Variants in PDE3B observed in about 807,000 individuals in gnomAD.
PDE3B encodes cGMP-inhibited 3',5'-cyclic phosphodiesterase 3B.
A neutral mutation model predicts 116.8 loss-of-function variants in PDE3B; 66 were observed. That is an observed-to-expected ratio of 0.56 (90% CI 0.46 to 0.69). The LOEUF (loss-of-function observed/expected upper bound fraction) is 0.69, where lower values mean the gene tolerates loss of function less well. PDE3B is among the 30% of genes least tolerant of loss of function. PDE3B has a pLI of 0.00. For missense variants in PDE3B, 1,384 were observed against 1,368.1 expected (o/e 1.01, Z -0.18); for synonymous variants, 595 against 533.6 (o/e 1.12, Z -1.59).
At chr11:14,753,817 A>G (rs564833275) in intron 1 of PDE3B, among the ~76,000 whole-genome samples, 8 of 152,162 alleles carry the variant, frequency 5.3e-5, no homozygotes, top group Non-Finnish European at 7.4e-5. Flanking sequence ...CACATGCAGG[A>G]GATTTTAAAA....
chr11:14,742,444 A>G (rs1425864894), intron 1 of PDE3B, among the ~76,000 whole-genome samples: 3 of 152,138 alleles, frequency 2.0e-5, no homozygotes, highest in African/African-American at 7.2e-5. Context: ...CAGATCATTT[A>G]TGTTCTTCTC....
chr11:14,885,842 G>A, the PDE3B span: 1 of 1,613,542 alleles, frequency 6.2e-7, no homozygotes, highest in East Asian at 2.2e-5. Context: ...TCGCTTTGAT[G>A]AACAAGGCAT....
intron 1 of PDE3B, among the ~76,000 whole-genome samples, chr11:14,690,842 G>A (rs1402228012): frequency 6.6e-6 from 1 of 152,116 alleles, no homozygotes. Flanking sequence ...AGTGGGAAGT[G>A]GAGGTTGTGT....
At chr11:14,735,732 C>T (rs1042867969) in intron 1 of PDE3B, among the ~76,000 whole-genome samples, 13 of 152,016 alleles carry the variant, frequency 8.6e-5, no homozygotes, top group Admixed American at 3.9e-4. Context: ...TTTTCATCAT[C>T]GAAAAAAGTT....
the PDE3B span, chr11:14,890,292 A>T: frequency 9.7e-6 from 2 of 206,840 alleles, no homozygotes; most frequent in Non-Finnish European, 1.7e-5. Context: ...TTATGCTTTC[A>T]CATTTTATTT....
chr11:14,706,623 G>A (rs1433318411), intron 1 of PDE3B, among the ~76,000 whole-genome samples: 3 of 151,852 alleles, frequency 2.0e-5, no homozygotes, highest in African/African-American at 4.8e-5. Context: ...GTGTTACTAA[G>A]CAATATAATG....
chr11:14,803,937 C>T lies in PDE3B; in HGVS notation c.1416-7C>T. The T allele has an allele frequency of 1.3e-6, 2 of 1,524,250 alleles. No individual in the cohort carries two copies. Among genetic ancestry groups the T allele is most frequent in the South Asian group, 2.3e-5 (2 of 88,152 alleles). The allele number at this position is 1,524,250 out of a possible 1,614,324, so 94.4% of individuals were successfully genotyped here. On this transcript the variant is annotated splice_polypyrimidine_tract_variant and splice_region_variant and intron_variant, in intron 4 of 15. Transcript: ENST00000282096. ...AAAAATTTTAACCTGTTATTTTTCCCTTTTAGTCAAGGATGCTATCTAAAT... is the reference window on the plus strand; with the variant it reads ...AAAAATTTTAACCTGTTATTTTTCCTTTTTAGTCAAGGATGCTATCTAAAT...
chr11:14,650,201 G>GTTTTT (rs59519371), intron 1 of PDE3B, among the ~76,000 whole-genome samples: 2 of 130,894 alleles, frequency 1.5e-5, no homozygotes, highest in Non-Finnish European at 3.3e-5. Flanking sequence ...ATTCAGCAAT[G>GTTTTT]TTTTTTTTTT....
intron 1 of PDE3B, among the ~76,000 whole-genome samples, chr11:14,745,588 A>G (rs1281026263): frequency 1.3e-5 from 2 of 152,192 alleles, no homozygotes; most frequent in Non-Finnish European, 2.9e-5. Flanking sequence ...TTGATGTTAG[A>G]CAGCTACTAG....
At chr11:14,859,489 CTT>C (rs1363293418) in intron 13 of PDE3B, among the ~76,000 whole-genome samples, 1 of 151,998 alleles carries the variant, frequency 6.6e-6, no homozygotes, top group Admixed American at 6.6e-5. Flanking sequence ...ACTATTGTGA[CTT>C]TATTTCACAT....
intron 1 of PDE3B, among the ~76,000 whole-genome samples, chr11:14,756,567 C>G (rs571269349): frequency 6.6e-6 from 1 of 152,088 alleles, no homozygotes; most frequent in Admixed American, 6.6e-5. Context: ...TAGTCCTAAT[C>G]CTGCCAAAAG....
intron 1 of PDE3B, among the ~76,000 whole-genome samples, chr11:14,758,154 T>C (rs2133883705): frequency 6.6e-6 from 1 of 152,332 alleles, no homozygotes; most frequent in East Asian, 1.9e-4. Flanking sequence ...TTCTTTTCCA[T>C]TGATCTATAT....
chr11:14,670,559 C>T (rs1038929979), intron 1 of PDE3B, among the ~76,000 whole-genome samples: 10 of 152,030 alleles, frequency 6.6e-5, no homozygotes, highest in Middle Eastern at 3.4e-3. Flanking sequence ...TATAGAGTTG[C>T]TTGAATTAGA....
At chr11:14,869,132 C>G (rs1389680742) in intron 15 of PDE3B, among the ~76,000 whole-genome samples, 1 of 152,038 alleles carries the variant, frequency 6.6e-6, no homozygotes, top group Non-Finnish European at 1.5e-5. Flanking sequence ...TTTGAAATTT[C>G]AGCACGCTTC....
rs545365883 is a variant in PDE3B, at chr11:14,713,807, G to T, written c.979-58130G>T. Among the ~76,000 whole-genome samples the T allele has an allele frequency of 5.9e-5, 9 of 152,288 alleles. No individual in the cohort carries two copies. In the East Asian group the frequency reaches 1.7e-3, roughly 29 times the overall value. Reference sequence around the variant, plus strand: ...GACTTGGAAAGGCATCACAGAGGAGGTGGAATTTAAGCCAGAGGCTAAACT... The same window carrying T: ...GACTTGGAAAGGCATCACAGAGGAGTTGGAATTTAAGCCAGAGGCTAAACT... On this transcript the variant is annotated intron_variant, in intron 1 of 15. Coordinates refer to ENST00000282096, the MANE Select transcript of PDE3B (RefSeq NM_000922.4).
intron 3 of PDE3B, 75 bp from the exon 4 acceptor site, chr11:14,789,031 A>G: frequency 1.0e-6 from 1 of 995,400 alleles, no homozygotes; most frequent in Non-Finnish European, 1.5e-6. Flanking sequence ...TGATACTTTC[A>G]TGTGCCATCA....
intron 1 of PDE3B, among the ~76,000 whole-genome samples, chr11:14,735,412 T>C (rs1856568740): frequency 6.6e-6 from 1 of 152,132 alleles, no homozygotes; most frequent in African/African-American, 2.4e-5. Context: ...CTGAAGAAAT[T>C]ATAGGAGTTT....
At chr11:14,880,414 C>T in the PDE3B span, 1 of 1,613,212 alleles carries the variant, frequency 6.2e-7, no homozygotes, top group Admixed American at 1.7e-5. Flanking sequence ...TTGATGTTTT[C>T]CAAAAGGCAG....
At chr11:14,688,077 CTTTCTT>C (rs1854926760) in intron 1 of PDE3B, among the ~76,000 whole-genome samples, 1 of 149,282 alleles carries the variant, frequency 6.7e-6, no homozygotes, top group Non-Finnish European at 1.5e-5. Flanking sequence ...TTAAAATTTT[CTTTCTT>C]TTTCTTTCTT....
Sources: allele counts gnomAD v4.1 joint callset (sites outside exome capture counted in the v4.1 genomes callset), GRCh38; gene constraint gnomAD v4.1.1; transcripts MANE v1.5; gene names NCBI Gene and HGNC (gene_info 2026-07-23, HGNC 2026-07-21).